CELA2A: variants seen among roughly 807,000 people sequenced by gnomAD.
The protein encoded by CELA2A is chymotrypsin like elastase 2A.
Under a neutral mutation model 35.3 loss-of-function variants are expected in CELA2A, and 31 were observed. The observed-to-expected ratio is 0.88, with a 90% confidence interval of 0.66 to 1.19. CELA2A has a LOEUF of 1.19. CELA2A is among the 50% of genes most tolerant of loss of function. The pLI is 0.00. For synonymous variants in CELA2A, 150 were observed against 149.8 expected (o/e 1.00, Z -0.01); for missense variants, 330 against 352.9 (o/e 0.94, Z 0.52).
chr1:15,460,309 TGGG>T lies in CELA2A; in HGVS notation c.130-1244_130-1242del, dbSNP rs33976415. On this transcript the variant is annotated intron_variant, in intron 2 of 7. Transcript: ENST00000359621. Reference sequence around the variant, plus strand: ...CGATGGTTTCAGCACATTTTTAAATTGGGGGGGGGGTACATCCTTTTAAGTATC... The same window carrying T: ...CGATGGTTTCAGCACATTTTTAAATTGGGGGGGTACATCCTTTTAAGTATC... Among the ~76,000 whole-genome samples, 33 of 151,790 alleles carry T rather than the reference TGGG, an allele frequency of 2.2e-4. No homozygotes were observed. The East Asian group carries it at 2.3e-3, about 11-fold the overall frequency.
At chr1:15,471,524 G>C (rs1708593828) in intron 7 of CELA2A, among the ~76,000 whole-genome samples, 1 of 151,768 alleles carries the variant, frequency 6.6e-6, no homozygotes, top group African/African-American at 2.4e-5. Flanking sequence ...CTCCAGCCTG[G>C]GCAACAGAGT....
intron 5 of CELA2A, among the ~76,000 whole-genome samples, chr1:15,464,120 T>C (rs1437643387): frequency 6.6e-6 from 1 of 152,148 alleles, no homozygotes; most frequent in East Asian, 1.9e-4. Context: ...AGATAATCCA[T>C]AGGAAGCCCA....
chr1:15,466,658 T>C (rs771195830), intron 6 of CELA2A, among the ~76,000 whole-genome samples: 1 of 152,196 alleles, frequency 6.6e-6, no homozygotes, highest in Non-Finnish European at 1.5e-5. Context: ...TGCTGGGAAG[T>C]CCTTCCCTGG....
chr1:15,463,576 T>C, intron 5 of CELA2A, 54 bp downstream of exon 5: 1 of 1,611,692 alleles, frequency 6.2e-7, no homozygotes. Flanking sequence ...GTGATTCACG[T>C]CACCCCTGTC....
intron 6 of CELA2A, 79 bp downstream of exon 6, chr1:15,466,223 G>C (rs1168113973): frequency 6.7e-7 from 1 of 1,495,562 alleles, no homozygotes; most frequent in Non-Finnish European, 9.2e-7. Flanking sequence ...TCCCTCCATA[G>C]GTCCATCCTC....
At chr1:15,466,454 C>T (rs967041031) in intron 6 of CELA2A, among the ~76,000 whole-genome samples, 2 of 151,728 alleles carry the variant, frequency 1.3e-5, no homozygotes, top group Non-Finnish European at 2.9e-5. Flanking sequence ...CACAGCTACT[C>T]GGGAGGCTGA....
chr1:15,463,376 A>C lies in CELA2A; in HGVS notation c.357-10A>C. The C allele has an allele frequency of 6.2e-7, 1 of 1,613,176 alleles. No homozygotes were observed. Among genetic ancestry groups the C allele is most frequent in the Non-Finnish European group, 8.5e-7 (1 of 1,179,784 alleles). On this transcript the variant is annotated splice_polypyrimidine_tract_variant and intron_variant, in intron 4 of 7. Coordinates refer to ENST00000359621, the MANE Select transcript of CELA2A (RefSeq NM_033440.3). ...CCCGGTCCTCATGCTTCGCCTCCAC[A>C]CTCACCCAGGAACGACATTGCCCTG...
chr1:15,461,776 T>C (rs1708438725), intron 3 of CELA2A, 118 bp downstream of exon 3: 2 of 1,100,338 alleles, frequency 1.8e-6, no homozygotes, highest in Non-Finnish European at 2.8e-6. Flanking sequence ...ACCACTATAC[T>C]GGCTGAGACA....
chr1:15,461,367 G>A (rs1160657247), intron 2 of CELA2A, among the ~76,000 whole-genome samples, 194 bp from the exon 3 acceptor site: 5 of 152,266 alleles, frequency 3.3e-5, no homozygotes, highest in Admixed American at 3.3e-4. Context: ...TGGCCTGATT[G>A]TTTTTCATGT....
chr1:15,471,943 A>G, intron 7 of CELA2A, 47 bp from the exon 8 acceptor site: 1 of 1,613,568 alleles, frequency 6.2e-7, no homozygotes, highest in South Asian at 1.1e-5. Context: ...TGCCATGCAC[A>G]GCTCTGCGGT....
intron 7 of CELA2A, 36 bp downstream of exon 7, chr1:15,467,574 A>G (rs199911045): frequency 3.1e-4 from 504 of 1,606,764 alleles, no homozygotes; most frequent in East Asian, 1.9e-3. Flanking sequence ...CCAAGGCACT[A>G]CCCTGCTCAC....
intron 5 of CELA2A, 135 bp downstream of exon 5, chr1:15,463,657 C>T (rs754893397): frequency 5.7e-5 from 79 of 1,376,902 alleles, no homozygotes; most frequent in Middle Eastern, 1.9e-4. Flanking sequence ...CATAGGCTGA[C>T]GCCTGCCTGG....
chr1:15,457,805 A>G (rs1323022370), intron 2 of CELA2A, among the ~76,000 whole-genome samples: 1 of 152,194 alleles, frequency 6.6e-6, no homozygotes, highest in African/African-American at 2.4e-5. Flanking sequence ...AAGACTACCT[A>G]TGCAAACATT....
intron 6 of CELA2A, among the ~76,000 whole-genome samples, chr1:15,466,858 GTCTT>G (rs1167555080): frequency 6.6e-6 from 1 of 152,190 alleles, no homozygotes; most frequent in Admixed American, 6.5e-5. Context: ...TGGAGACAGT[GTCTT>G]AACCACCAGG....
At chr1:15,458,670 T>TG (rs1401870154) in intron 2 of CELA2A, among the ~76,000 whole-genome samples, 2 of 152,038 alleles carry the variant, frequency 1.3e-5, no homozygotes, top group South Asian at 4.1e-4. Context: ...CCCAGCACTT[T>TG]GGCAGGCCGA....
At chr1:15,470,215 C>T (rs561817094) in intron 7 of CELA2A, among the ~76,000 whole-genome samples, 1 of 152,178 alleles carries the variant, frequency 6.6e-6, no homozygotes, top group Non-Finnish European at 1.5e-5. Context: ...TGAAACCTTG[C>T]AGTAGCCCCA....
chr1:15,467,660 T>C, intron 7 of CELA2A, 122 bp downstream of exon 7: 2 of 1,275,300 alleles, frequency 1.6e-6, no homozygotes, highest in Non-Finnish European at 2.2e-6. Context: ...TGGGAACCCC[T>C]TGGAGGAGGC....
intron 3 of CELA2A, among the ~76,000 whole-genome samples, chr1:15,462,378 C>T (rs895360070): frequency 6.6e-6 from 1 of 152,160 alleles, no homozygotes; most frequent in Non-Finnish European, 1.5e-5. Flanking sequence ...CCTCTCTGGG[C>T]CTCAGTTTCC....
Position 15,466,105 on chromosome 1 carries a change from G to C in CELA2A, c.600G>C (p.Met200Ile). 6.2e-7 allele frequency: 1 copy of C among 1,614,166 alleles called. No homozygotes were observed. Among genetic ancestry groups the C allele is most frequent in the Non-Finnish European group, 8.5e-7 (1 of 1,180,038 alleles). Reference protein sequence around the residue: ...AWWGSSVKTSMICAGGDGVIS... With the variant: ...AWWGSSVKTSIICAGGDGVIS... ...GGGGCAGCAGCGTGAAAACCAGTAT[G>C]ATCTGTGCTGGGGGTGATGGCGTGA... The change falls in exon 6 of 8, where the codon ATG becomes ATC. Residue 200 changes from methionine to isoleucine, a missense_variant. Coordinates refer to ENST00000359621, the MANE Select transcript of CELA2A (RefSeq NM_033440.3).
Sources: gnomAD v4.1 joint callset for allele counts (sites outside exome capture counted in the v4.1 genomes callset) on GRCh38, gnomAD v4.1.1 for gene constraint, MANE v1.5 for transcripts, NCBI Gene and HGNC (gene_info 2026-07-23, HGNC 2026-07-21) for gene names.